Variants in AFF1 observed in about 807,000 individuals in gnomAD.
AFF1 encodes AF4/FMR2 family member 1.
AFF1 carries 48 observed loss-of-function variants against 121.7 expected under a neutral mutation model. The observed-to-expected ratio is 0.39, with a 90% CI of 0.31 to 0.50. The LOEUF (loss-of-function observed/expected upper bound fraction) is 0.50. AFF1 is among the 20% of genes least tolerant of loss of function. The pLI, the probability that AFF1 is intolerant of heterozygous loss-of-function variation, is 0.76. For missense variants in AFF1, 1,523 were observed against 1,511.7 expected (o/e 1.01, Z -0.12); for synonymous variants, 613 against 563.0 (o/e 1.09, Z -1.26).
intron 11 of AFF1, 85 bp downstream of exon 11, chr4:87,108,400 G>T: frequency 7.0e-7 from 1 of 1,433,238 alleles, no homozygotes; most frequent in East Asian, 2.4e-5. Context: ...GGCCAGGACT[G>T]ACCATGAGAC....
intron 2 of AFF1, among the ~76,000 whole-genome samples, chr4:86,991,996 C>T (rs1415162566): frequency 1.3e-5 from 2 of 152,116 alleles, no homozygotes; most frequent in Non-Finnish European, 2.9e-5. Flanking sequence ...AGTCGTCTAG[C>T]TGAGCTTGAA....
intron 2 of AFF1, among the ~76,000 whole-genome samples, chr4:87,011,149 C>T (rs1726714679): frequency 6.6e-6 from 1 of 151,878 alleles, no homozygotes; most frequent in African/African-American, 2.4e-5. Context: ...CTTCTCCACC[C>T]TGGGGCAGGG....
At chr4:87,000,655 G>A (rs1578029460) in intron 2 of AFF1, among the ~76,000 whole-genome samples, 1 of 142,048 alleles carries the variant, frequency 7.0e-6, no homozygotes, top group East Asian at 1.9e-4. Context: ...GAGGAAGTGG[G>A]GGAACTTGAG....
intron 2 of AFF1, among the ~76,000 whole-genome samples, chr4:86,973,340 G>A (rs1370229779): frequency 6.6e-6 from 1 of 152,206 alleles, no homozygotes; most frequent in African/African-American, 2.4e-5. Context: ...TAAGGGGGCA[G>A]GATGAGGGTG....
At chr4:87,016,214 G>C (rs1372235091) in intron 2 of AFF1, among the ~76,000 whole-genome samples, 1 of 151,798 alleles carries the variant, frequency 6.6e-6, no homozygotes, top group Admixed American at 6.6e-5. Flanking sequence ...GGGAAGAGGG[G>C]AATAGTTAAA....
In AFF1 at chr4:86,959,074, A is replaced by G. The variant is rs1272984791; in HGVS notation, c.38+10503A>G. 6.6e-5 allele frequency among the ~76,000 whole-genome samples: 10 copies of G among 152,324 alleles called. No homozygotes were observed. The East Asian group carries it at 7.7e-4, about 12-fold the overall frequency. ...AGGCCAGGGATGTTATTAAACATCT[A>G]CAATGCACAGAACAGCCCCCACCAC... On this transcript the variant is annotated intron_variant, in intron 2 of 20. Transcript: ENST00000395146.
chr4:87,100,684 T>C (rs1725345743), intron 8 of AFF1, among the ~76,000 whole-genome samples: 2 of 152,174 alleles, frequency 1.3e-5, no homozygotes, highest in Admixed American at 6.5e-5. Context: ...ACATAGTAAG[T>C]GCTCAGAATA....
chr4:87,130,692 C>T (rs1728743894), intron 16 of AFF1, among the ~76,000 whole-genome samples: 1 of 152,212 alleles, frequency 6.6e-6, no homozygotes, highest in South Asian at 2.1e-4. Flanking sequence ...TAATAAACTT[C>T]AGCACGCACA....
At chr4:87,129,541 A>T (rs996680355) in intron 16 of AFF1, among the ~76,000 whole-genome samples, 1 of 152,248 alleles carries the variant, frequency 6.6e-6, no homozygotes, top group African/African-American at 2.4e-5. Context: ...TTGAATAAGT[A>T]TATTTGGAGA....
At chr4:87,113,455 G>A (rs1274163677) in intron 11 of AFF1, among the ~76,000 whole-genome samples, 4 of 152,004 alleles carry the variant, frequency 2.6e-5, no homozygotes, top group Admixed American at 6.6e-5. Context: ...GTTTTTTGTA[G>A]CAATGAGGTA....
chr4:86,951,789 G>A (rs1048602069), intron 2 of AFF1, among the ~76,000 whole-genome samples: 3 of 151,574 alleles, frequency 2.0e-5, no homozygotes, highest in African/African-American at 7.3e-5. Context: ...GCTAATTTTT[G>A]TATTTTTAGT....
At position 87,114,918 on chromosome 4, in the gene AFF1, C is replaced by G. The variant is rs1553934706; in HGVS notation, c.2085C>G (p.Pro695=). 1 of 1,612,422 alleles carries G rather than the reference C, an allele frequency of 6.2e-7. No homozygotes were observed. The highest frequency in any genetic ancestry group is 1.1e-5 in the South Asian group (1 of 90,844). Residue 695 remains proline (P), a synonymous_variant, in exon 12 of 21, where the codon CCC becomes CCG. Transcript: ENST00000395146. The part of the protein sequence containing the change: ...APSKALSGPE[P]AKDNVEDRTP... The stretch of plus-strand genomic sequence containing the variant: ...CTAAGGCTCTCTCAGGCCCAGAACC[C>G]GCGAAGGACAATGTGGAGGACAGGA...
At chr4:86,994,095 A>G (rs1002141322) in intron 2 of AFF1, among the ~76,000 whole-genome samples, 1 of 152,282 alleles carries the variant, frequency 6.6e-6, no homozygotes, top group African/African-American at 2.4e-5. Context: ...ACTTTAAGTA[A>G]CAAGGCACTA....
chr4:87,105,363 TGAAA>T (rs1323875213), intron 8 of AFF1, among the ~76,000 whole-genome samples: 1 of 152,226 alleles, frequency 6.6e-6, no homozygotes, highest in Non-Finnish European at 1.5e-5. Context: ...TTGTAGCATG[TGAAA>T]GAGTCTGTTT....
At chr4:87,054,203 G>C (rs1731531443) in intron 4 of AFF1, among the ~76,000 whole-genome samples, 1 of 152,364 alleles carries the variant, frequency 6.6e-6, no homozygotes, top group East Asian at 1.9e-4. Flanking sequence ...CTCCCCTAGG[G>C]GGGCTGAGTT....
chr4:87,079,343 T>G (rs544787416), intron 4 of AFF1, among the ~76,000 whole-genome samples: 3 of 152,366 alleles, frequency 2.0e-5, no homozygotes, highest in African/African-American at 7.2e-5. Flanking sequence ...ATATTTTATT[T>G]TGGTATCAGT....
Position 87,105,647 on chromosome 4 carries a change from C to A in AFF1, c.1303C>A (p.Gln435Lys). Reference sequence around the variant, plus strand: ...TTCCAGCATGCTCGAAGACGACCTTCAGCTCAGTGACAGTGAGGACAGTGA... The same window carrying A: ...TTCCAGCATGCTCGAAGACGACCTTAAGCTCAGTGACAGTGAGGACAGTGA... Reference protein sequence around the residue: ...GTSSMLEDDLQLSDSEDSDSE... With the variant: ...GTSSMLEDDLKLSDSEDSDSE... The change falls in exon 9 of 21, where the codon CAG becomes AAG. Residue 435 changes from glutamine to lysine, a missense_variant. Gln to Lys is a moderately conservative substitution (Grantham distance 53). This residue lies in a region of AFF1 where 905 missense variants were observed against 842.5 expected (regional missense o/e 1.07). Coordinates refer to ENST00000395146, the MANE Select transcript of AFF1 (RefSeq NM_001166693.3). 1.9e-6 allele frequency: 3 copies of A among 1,614,214 alleles called. No individual in the cohort carries two copies. The highest frequency in any genetic ancestry group is 2.5e-6 in the Non-Finnish European group (3 of 1,180,030).
intron 2 of AFF1, among the ~76,000 whole-genome samples, chr4:86,990,034 G>A (rs1724576051): frequency 6.6e-6 from 1 of 152,132 alleles, no homozygotes; most frequent in African/African-American, 2.4e-5. Context: ...CAGGGAATGG[G>A]AGACTAGGGG....
At chr4:87,015,452 G>T (rs890785859) in intron 2 of AFF1, among the ~76,000 whole-genome samples, 4 of 152,180 alleles carry the variant, frequency 2.6e-5, no homozygotes, top group African/African-American at 7.2e-5. Context: ...AATTATTAAT[G>T]TTGTTCAGAT....
Sources: allele counts gnomAD v4.1 joint callset (sites outside exome capture counted in the v4.1 genomes callset), GRCh38; gene constraint gnomAD v4.1.1; regional missense constraint gnomAD v4.1.1; transcripts MANE v1.5; gene names NCBI Gene and HGNC (gene_info 2026-07-23, HGNC 2026-07-21).